DAB2: variants seen among roughly 807,000 people sequenced by gnomAD.
DAB2 encodes DAB adaptor protein 2.
In DAB2, 28 loss-of-function variants were observed where a neutral mutation model predicts 71.6. The ratio of observed to expected loss-of-function variants is 0.39; its 90% CI spans 0.29 to 0.54. DAB2 has a LOEUF of 0.54. DAB2 is among the 20% of genes least tolerant of loss of function. The probability of loss-of-function intolerance (pLI) is 0.68; values close to 1 mark genes in which losing one functional copy is unlikely to be tolerated. For missense variants in DAB2, 867 were observed against 928.8 expected, an observed-to-expected ratio of 0.93 and a Z score of 0.86; for synonymous variants, 345 against 339.7, an observed-to-expected ratio of 1.02 and a Z score of -0.17.
Position 39,393,903 on chromosome 5 carries a change from G to A in DAB2, c.91+327C>T, listed in dbSNP as rs115429959. 2.6e-3 allele frequency among the ~76,000 whole-genome samples: 392 copies of A among 152,216 alleles called. 3 individuals are homozygous for A. The highest frequency in any genetic ancestry group is 9.2e-3 in the African/African-American group (381 of 41,544). ...AGGTCTGTGTAGTCCCATTCCCAATGAGTTCAGTAAAATCAAATGGTAAAT... is the reference window on the plus strand; with the variant it reads ...AGGTCTGTGTAGTCCCATTCCCAATAAGTTCAGTAAAATCAAATGGTAAAT... On this transcript the variant is annotated intron_variant, in intron 2 of 14. Transcript: ENST00000320816.
In DAB2 at chr5:39,379,749, G is replaced by C. The variant is rs140664345; in HGVS notation, c.1504+1705C>G. Among the ~76,000 whole-genome samples the C allele has an allele frequency of 4.0e-3, 597 of 150,674 alleles. 11 individuals are homozygous for C. Among genetic ancestry groups the C allele is most frequent in the African/African-American group, 0.014 (555 of 40,940 alleles). On this transcript the variant is annotated intron_variant, in intron 11 of 14. Transcript: ENST00000320816. ...CCCCCCCAGTTCTCCAGGGGAGACAGTCCCCCAGCTGGGTCTAGCGGAAGC... is the reference window on the plus strand; with the variant it reads ...CCCCCCCAGTTCTCCAGGGGAGACACTCCCCCAGCTGGGTCTAGCGGAAGC...
intron 1 of DAB2, among the ~76,000 whole-genome samples, chr5:39,413,246 A>G (rs1196290462): frequency 4.6e-5 from 7 of 152,150 alleles, no homozygotes; most frequent in Non-Finnish European, 1.0e-4. Context: ...TCTGGAAACA[A>G]AGGCTTTTAA....
At position 39,376,746 on chromosome 5, in the gene DAB2, C is replaced by T; in HGVS notation, c.2041G>A (p.Ala681Thr). ...TTGCTGTTGAAATAACTGGCAAAGG[C>T]ACTCAAAGTCCCAGAAGAAGTCTGC... ...GEQTSSGTLS[A>T]FASYFNSKVG... Residue 681 changes from alanine (A) to threonine (T), a missense_variant, in exon 12 of 15, where the codon GCC (alanine) becomes ACC (threonine). Physicochemically the swap from Ala to Thr is moderately conservative, Grantham distance 58 (BLOSUM62 0). This residue lies in a region of DAB2 where 740 missense variants were observed against 734.3 expected (regional missense o/e 1.01). Coordinates refer to ENST00000320816, the MANE Select transcript of DAB2 (RefSeq NM_001343.4). 6.2e-7 allele frequency: 1 copy of T among 1,614,126 alleles called. No individual in the cohort carries two copies. Among genetic ancestry groups the T allele is most frequent in the East Asian group, 2.2e-5 (1 of 44,864 alleles).
At chr5:39,407,737 C>T (rs1755638724) in intron 1 of DAB2, among the ~76,000 whole-genome samples, 1 of 152,198 alleles carries the variant, frequency 6.6e-6, no homozygotes, top group South Asian at 2.1e-4. Context: ...GAATACTTCC[C>T]ACTTTCTATT....
In DAB2 at chr5:39,411,443, G is replaced by A. The variant is rs1028941295; in HGVS notation, c.-102+13361C>T. On this transcript the variant is annotated intron_variant, in intron 1 of 14. Coordinates refer to ENST00000320816, the MANE Select transcript of DAB2 (RefSeq NM_001343.4). ...CATTTCAATACTTAAGGGAAATGTGGGATGGACACAAGTGATTAGATAGGG... is the reference window on the plus strand; with the variant it reads ...CATTTCAATACTTAAGGGAAATGTGAGATGGACACAAGTGATTAGATAGGG... Among the ~76,000 whole-genome samples, 11 of 152,074 alleles carry A rather than the reference G, an allele frequency of 7.2e-5. 1 individual carries two copies. The highest frequency in any genetic ancestry group is 1.5e-4 in the Non-Finnish European group (10 of 68,010).
Position 39,393,326 on chromosome 5 carries a change from C to T in DAB2, c.159G>A (p.Lys53=). 6.2e-7 allele frequency: 1 copy of T among 1,613,964 alleles called. No homozygotes were observed. The highest frequency in any genetic ancestry group is 8.5e-7 in the Non-Finnish European group (1 of 1,179,912). ...CTGGCACATCATCAATGCCAATCAGCTTGGCCTTATATTTTACACCATCGC... is the reference window on the plus strand; with the variant it reads ...CTGGCACATCATCAATGCCAATCAGTTTGGCCTTATATTTTACACCATCGC... ...FKGDGVKYKA[K]LIGIDDVPDA... Residue 53 remains lysine, a synonymous_variant, in exon 3 of 15, where the codon AAG becomes AAA. Coordinates refer to ENST00000320816, the MANE Select transcript of DAB2 (RefSeq NM_001343.4).
Position 39,416,108 on chromosome 5 carries a change from G to A in DAB2, c.-102+8696C>T, listed in dbSNP as rs186444513. ...CATTTTTCCTCAACCTTGCCTCACC[G>A]CCACCCTGAGTTCCTCCTCCCTAAA... On this transcript the variant is annotated intron_variant, in intron 1 of 14. Transcript: ENST00000320816. 7.3e-5 allele frequency among the ~76,000 whole-genome samples: 11 copies of A among 150,432 alleles called. No homozygotes were observed. In the East Asian group the frequency reaches 2.0e-3, roughly 27 times the overall value.
At chr5:39,400,597 C>T (rs1285183014) in intron 1 of DAB2, among the ~76,000 whole-genome samples, 1 of 152,118 alleles carries the variant, frequency 6.6e-6, no homozygotes, top group Non-Finnish European at 1.5e-5. Flanking sequence ...CGCCATAAGC[C>T]ATTGGGCTCA....
At chr5:39,393,441 G>A (rs763341662) in intron 2 of DAB2, 48 bp from the exon 3 acceptor site, 9 of 1,596,352 alleles carry the variant, frequency 5.6e-6, no homozygotes, top group Non-Finnish European at 7.7e-6. Context: ...TTCTAATTAT[G>A]ACCAAATATG....
At chr5:39,404,381 A>C (rs2112086150) in intron 1 of DAB2, among the ~76,000 whole-genome samples, 1 of 150,940 alleles carries the variant, frequency 6.6e-6, no homozygotes, top group Non-Finnish European at 1.5e-5. Flanking sequence ...GTACCCTAAA[A>C]CTTAAAGTAT....
At chr5:39,415,545 G>A (rs1324593269) in intron 1 of DAB2, among the ~76,000 whole-genome samples, 1 of 152,138 alleles carries the variant, frequency 6.6e-6, no homozygotes, top group Non-Finnish European at 1.5e-5. Flanking sequence ...GTCACTTTCA[G>A]ATCAGGCCAA....
intron 1 of DAB2, among the ~76,000 whole-genome samples, chr5:39,401,118 G>T (rs1755486823): frequency 6.6e-6 from 1 of 152,154 alleles, no homozygotes; most frequent in Admixed American, 6.5e-5. Flanking sequence ...CTTTTAGGAA[G>T]GCTCTTCTGC....
chr5:39,412,590 T>A (rs965818927), intron 1 of DAB2, among the ~76,000 whole-genome samples: 1 of 151,908 alleles, frequency 6.6e-6, no homozygotes, highest in Non-Finnish European at 1.5e-5. Flanking sequence ...GAAAGGAGAG[T>A]AGAGGAAAAT....
chr5:39,421,826 G>A (rs1755992521), intron 1 of DAB2, among the ~76,000 whole-genome samples: 1 of 151,908 alleles, frequency 6.6e-6, no homozygotes, highest in Admixed American at 6.6e-5. Flanking sequence ...GGAGGCCGAG[G>A]TGGGTGGATC....
intron 11 of DAB2, among the ~76,000 whole-genome samples, chr5:39,381,209 CAAGT>C (rs1413576129): frequency 7.9e-5 from 12 of 152,152 alleles, no homozygotes; most frequent in Non-Finnish European, 1.5e-4. Context: ...CCAGTTGGTT[CAAGT>C]AAGTACAATA....
intron 11 of DAB2, 32 bp downstream of exon 11, chr5:39,381,422 A>G: frequency 6.3e-7 from 1 of 1,599,956 alleles, no homozygotes; most frequent in South Asian, 1.1e-5. Flanking sequence ...AAAGCAAAAG[A>G]GTCATACTTA....
At chr5:39,376,158 G>A (rs574524901) in intron 12 of DAB2, 52 bp from the exon 13 acceptor site, 11 of 1,385,952 alleles carry the variant, frequency 7.9e-6, no homozygotes, top group South Asian at 3.5e-5. Flanking sequence ...CCCAAATATA[G>A]GCCAGTCCCC....
At chr5:39,401,812 G>A (rs1755507764) in intron 1 of DAB2, among the ~76,000 whole-genome samples, 1 of 151,400 alleles carries the variant, frequency 6.6e-6, no homozygotes, top group South Asian at 2.1e-4. Context: ...GAGTGCAGTG[G>A]TGCGATCTCG....
intron 13 of DAB2, 103 bp from the exon 14 acceptor site, chr5:39,375,187 G>GGCCAATCA (rs1754796617): frequency 1.3e-6 from 1 of 790,134 alleles, no homozygotes; most frequent in Admixed American, 2.3e-5. Flanking sequence ...TTAGGTCATA[G>GGCCAATCA]GCCAATCAGC....
Sources: gnomAD v4.1 joint callset for allele counts (sites outside exome capture counted in the v4.1 genomes callset) on GRCh38, gnomAD v4.1.1 for gene constraint, gnomAD v4.1.1 regional missense constraint, MANE v1.5 for transcripts, NCBI Gene and HGNC (gene_info 2026-07-23, HGNC 2026-07-21) for gene names.